The following TRPM1 variants were observed in gnomAD, a reference collection of about 807,000 sequenced individuals.
The protein encoded by TRPM1 is TRPM1-203 APA Isoform, Intron 10.
A neutral mutation model predicts 149.4 loss-of-function variants in TRPM1; 113 were observed. That is an observed-to-expected ratio of 0.76 (90% CI 0.65 to 0.88). TRPM1 has a LOEUF of 0.88. Among genes scored for constraint, TRPM1 ranks in the 40% least tolerant of loss-of-function variants. The probability of loss-of-function intolerance (pLI) is 0.00; values close to 1 mark genes in which losing one functional copy is unlikely to be tolerated. For synonymous variants in TRPM1, 741 were observed against 759.5 expected (o/e 0.98, Z 0.40); for missense variants, 1,976 against 2,038.7 (o/e 0.97, Z 0.59).
At chr15:31,102,763 C>T (rs924477273), upstream of TRPM1, among the ~76,000 whole-genome samples, 1 of 152,250 alleles carries the variant, frequency 6.6e-6, no homozygotes, top group Non-Finnish European at 1.5e-5. Context: ...TCATTCGTTT[C>T]TCTCAGGGTC....
At chr15:31,092,769 G>A (rs1036916209) in intron 1 of TRPM1, among the ~76,000 whole-genome samples, 7 of 152,158 alleles carry the variant, frequency 4.6e-5, no homozygotes, top group South Asian at 2.1e-4. Context: ...GTACATTGCC[G>A]TATAGTCCCG....
intron 1 of TRPM1, among the ~76,000 whole-genome samples, chr15:31,150,234 C>G (rs1054724750): frequency 2.0e-5 from 3 of 152,118 alleles, no homozygotes; most frequent in Non-Finnish European, 4.4e-5. Context: ...CTTATCAGAG[C>G]CTTTAGTTTG....
chr15:31,149,814 A>C (rs184588734), intron 1 of TRPM1, among the ~76,000 whole-genome samples: 1,647 of 152,292 alleles, frequency 0.011, 22 homozygotes, highest in African/African-American at 0.027. Flanking sequence ...CCACGGCGCC[A>C]GGCCGTGCAT....
chr15:31,042,534 C>T (rs1325921770), intron 16 of TRPM1, among the ~76,000 whole-genome samples: 1 of 152,190 alleles, frequency 6.6e-6, no homozygotes, highest in Non-Finnish European at 1.5e-5. Context: ...CGCTGCAAAA[C>T]TAAAACAAAC....
intron 1 of TRPM1, among the ~76,000 whole-genome samples, chr15:31,086,192 C>T (rs535504608): frequency 2.8e-4 from 43 of 152,280 alleles, no homozygotes; most frequent in Admixed American, 2.4e-3. Flanking sequence ...CACCTGGGGG[C>T]TGTGGGGAGA....
At position 31,040,394 on chromosome 15, in the gene TRPM1, C is replaced by T. The variant is rs1402140064; in HGVS notation, c.2088-48G>A. ...AGGGTGAAGCCACAGTGGCCGCAAG[C>T]TGTTTCTTAGACAGGCATATCCACC... On this transcript the variant is annotated intron_variant, in intron 17 of 27. Transcript: ENST00000256552. The surrounding 1 kb of genome is among the most constrained non-coding windows in gnomAD (Gnocchi z 4.2). 1.3e-6 allele frequency: 2 copies of T among 1,537,166 alleles called. No individual in the cohort carries two copies. Among genetic ancestry groups the T allele is most frequent in the African/African-American group, 2.7e-5 (2 of 73,474 alleles).
chr15:31,084,068 G>A (rs1193264777), intron 1 of TRPM1, among the ~76,000 whole-genome samples: 2 of 152,114 alleles, frequency 1.3e-5, no homozygotes, highest in Non-Finnish European at 2.9e-5. Context: ...TTTCCTCCGG[G>A]TTTCTAGCCT....
chr15:31,097,824 G>T (rs1228886629), intron 1 of TRPM1, among the ~76,000 whole-genome samples: 1 of 152,150 alleles, frequency 6.6e-6, no homozygotes, highest in Non-Finnish European at 1.5e-5. Flanking sequence ...ATGTGGCCAG[G>T]GTGAATGGAG....
rs2141100581 is a variant in TRPM1, at chr15:31,002,910, G to T, written c.3790C>A (p.Leu1264Met). 1 of 1,609,220 alleles carries T rather than the reference G, an allele frequency of 6.2e-7. No individual in the cohort carries two copies. The highest frequency in any genetic ancestry group is 8.5e-7 in the Non-Finnish European group (1 of 1,176,812). ...GAAGCCCGGGACCGTGCCTGGATCA[G>T]GTCAGACCTGTCGATTCCCGCAAGA... ...ENLAGIDRSD[L>M]IQARSRASSE... Residue 1264 changes from leucine to methionine, a missense_variant, in exon 28 of 28, where the codon CTG (leucine) becomes ATG (methionine). Leu to Met is a conservative substitution (Grantham distance 15, BLOSUM62 2). Around this residue, in one of 3 missense-constraint regions of TRPM1, gnomAD observed 572 missense variants for 578.9 expected, o/e 0.99. Transcript: ENST00000256552.
At position 31,028,338 on chromosome 15, in the gene TRPM1, A is replaced by G; in HGVS notation, c.3287T>C (p.Val1096Ala). Residue 1096 changes from valine to alanine, a missense_variant, in exon 25 of 28, where the codon GTG (valine) becomes GCG (alanine). By Grantham distance (64) the Val-to-Ala change is moderately conservative. Coordinates refer to ENST00000256552, the MANE Select transcript of TRPM1 (RefSeq NM_001252024.2). ...NILLVNLLIA[V>A]FNNTFFEVKS... ...CATCGGCTGTGACACGTACTTGAAC[A>G]CAGCAATCAGCAGGTTCACCAGCAG... The G allele has an allele frequency of 6.2e-7, 1 of 1,614,224 alleles. No individual in the cohort carries two copies. Among genetic ancestry groups the G allele is most frequent in the South Asian group, 1.1e-5 (1 of 91,086 alleles).
chr15:31,108,078 G>A lies in TRPM1; in HGVS notation c.55-31094C>T, dbSNP rs905582143. Among the ~76,000 whole-genome samples the A allele has an allele frequency of 5.9e-5, 9 of 152,116 alleles. No individual in the cohort carries two copies. In the South Asian group the frequency reaches 1.5e-3, roughly 25 times the overall value. On this transcript the variant is annotated intron_variant, in intron 1 of 26. Coordinates refer to the TRPM1 transcript ENST00000542188. ...TCACCATATTGGCCAGGCTGGTCTC[G>A]AACTCCTGACCTCAGGTGATCCACC...
chr15:31,143,818 G>A (rs879028657), intron 1 of TRPM1, among the ~76,000 whole-genome samples: 7 of 151,878 alleles, frequency 4.6e-5, no homozygotes, highest in East Asian at 3.9e-4. Context: ...AAATTAGAAC[G>A]TTTGCTTTTC....
chr15:31,034,376 C>A (rs2033246891), intron 21 of TRPM1, among the ~76,000 whole-genome samples: 1 of 152,230 alleles, frequency 6.6e-6, no homozygotes, highest in Non-Finnish European at 1.5e-5. Context: ...TCCCCTGGAG[C>A]TTTTCCCCAG....
In TRPM1 at chr15:31,028,364, G is replaced by T. The variant is rs879272656; in HGVS notation, c.3261C>A (p.Ile1087=). The change falls in exon 25 of 28, where the codon ATC becomes ATA. Residue 1087 remains isoleucine, a synonymous_variant. Transcript: ENST00000256552. ...LMACYLLVAN[I]LLVNLLIAVF... ...CAGCAATCAGCAGGTTCACCAGCAGGATGTTGGCGACCAGTAGATAGCACG... is the reference window on the plus strand; with the variant it reads ...CAGCAATCAGCAGGTTCACCAGCAGTATGTTGGCGACCAGTAGATAGCACG... The T allele has an allele frequency of 2.3e-5, 37 of 1,614,060 alleles. No homozygotes were observed. The highest frequency in any genetic ancestry group is 3.0e-5 in the Non-Finnish European group (35 of 1,180,036).
chr15:31,061,577 G>T, intron 9 of TRPM1, 63 bp from the exon 10 acceptor site: 1 of 1,404,594 alleles, frequency 7.1e-7, no homozygotes, highest in Non-Finnish European at 1.0e-6. Flanking sequence ...ATGGGGTGTT[G>T]TTACAAAATG....
At chr15:31,091,344 C>T (rs528138381) in intron 1 of TRPM1, among the ~76,000 whole-genome samples, 2 of 152,366 alleles carry the variant, frequency 1.3e-5, no homozygotes, top group East Asian at 1.9e-4. Context: ...CCACTCTGCC[C>T]TTTGTGGACG....
chr15:31,110,473 A>T (rs2035669171), intron 1 of TRPM1, among the ~76,000 whole-genome samples: 1 of 152,314 alleles, frequency 6.6e-6, no homozygotes, highest in African/African-American at 2.4e-5. Context: ...GGAGGAAAAT[A>T]AGGTCGTCGG....
At chr15:31,080,769 C>T (rs2034836699) in intron 2 of TRPM1, among the ~76,000 whole-genome samples, 1 of 151,150 alleles carries the variant, frequency 6.6e-6, no homozygotes, top group Admixed American at 6.6e-5. Context: ...TCCTTTCCCA[C>T]ACTTTCCCTG....
intron 3 of TRPM1, chr15:31,070,536 T>C (rs757569210): frequency 8.4e-6 from 5 of 595,236 alleles, no homozygotes; most frequent in South Asian, 7.7e-5. Flanking sequence ...TGTGACAAAG[T>C]ATAGACATGC....
Sources: gnomAD v4.1 joint callset for allele counts (sites outside exome capture counted in the v4.1 genomes callset) on GRCh38, gnomAD v4.1.1 for gene constraint, gnomAD v4.1.1 regional missense constraint, Gnocchi (gnomAD v3.1) non-coding constraint, MANE v1.5 for transcripts, NCBI Gene and HGNC (gene_info 2026-07-23, HGNC 2026-07-21) for gene names.